The following ZMAT4 variants were observed in gnomAD, a reference collection of about 807,000 sequenced individuals.
ZMAT4 encodes zinc finger matrin-type protein 4.
ZMAT4 carries 17 observed loss-of-function variants against 28.7 expected under a neutral mutation model. The observed-to-expected ratio is 0.59, with a 90% CI of 0.41 to 0.89. ZMAT4 has a LOEUF of 0.89. ZMAT4 is among the 40% of genes least tolerant of loss of function. ZMAT4 has a pLI of 0.00. For missense variants in ZMAT4, 240 were observed against 283.8 expected (o/e 0.85, Z 1.11); for synonymous variants, 117 against 109.2 (o/e 1.07, Z -0.44).
intron 1 of ZMAT4, among the ~76,000 whole-genome samples, chr8:40,845,627 A>T (rs1816859273): frequency 6.6e-6 from 1 of 152,098 alleles, no homozygotes; most frequent in South Asian, 2.1e-4. Context: ...CAGGCAAGAT[A>T]GTCCTGACAC....
chr8:40,660,442 G>GAA lies in ZMAT4; in HGVS notation c.577+14260_577+14261dup, dbSNP rs562348965. ...CTGCTAGCTTAGAAGTTTCCTGAAGGAAAGAACCATCCCTTTTTCATTATT... is the reference window on the plus strand; with the variant it reads ...CTGCTAGCTTAGAAGTTTCCTGAAGGAAAAAGAACCATCCCTTTTTCATTATT... On this transcript the variant is annotated intron_variant, in intron 5 of 6. Transcript: ENST00000297737. 1.8e-3 allele frequency among the ~76,000 whole-genome samples: 276 copies of GAA among 152,290 alleles called. 2 individuals are homozygous for GAA. The highest frequency in any genetic ancestry group is 5.0e-3 in the African/African-American group (206 of 41,568).
At chr8:40,788,225 C>T (rs891714432) in intron 2 of ZMAT4, among the ~76,000 whole-genome samples, 18 of 152,152 alleles carry the variant, frequency 1.2e-4, no homozygotes, top group African/African-American at 4.3e-4. Context: ...ATAAATGACT[C>T]TGCCAATTAA....
intron 6 of ZMAT4, among the ~76,000 whole-genome samples, chr8:40,552,083 A>G (rs1803384920): frequency 6.6e-6 from 1 of 152,186 alleles, no homozygotes; most frequent in Admixed American, 6.5e-5. Flanking sequence ...AATGTCTGAG[A>G]TGAATTTACA....
chr8:40,709,857 T>C (rs576390068), intron 3 of ZMAT4, among the ~76,000 whole-genome samples: 1 of 152,096 alleles, frequency 6.6e-6, no homozygotes, highest in South Asian at 2.1e-4. Flanking sequence ...GCCAACATAG[T>C]GAAACTCTGT....
At chr8:40,745,945 C>T (rs2150539849) in intron 3 of ZMAT4, among the ~76,000 whole-genome samples, 1 of 152,220 alleles carries the variant, frequency 6.6e-6, no homozygotes, top group Middle Eastern at 3.4e-3. Context: ...AGCTAAGCAT[C>T]CCTTAGCTTC....
intron 6 of ZMAT4, among the ~76,000 whole-genome samples, chr8:40,578,187 A>G (rs900143806): frequency 3.9e-5 from 6 of 152,104 alleles, no homozygotes; most frequent in African/African-American, 9.7e-5. Context: ...GAAATATAAC[A>G]CTGAGACAGA....
intron 5 of ZMAT4, among the ~76,000 whole-genome samples, chr8:40,636,401 TC>T (rs1257329862): frequency 6.6e-6 from 1 of 152,208 alleles, no homozygotes; most frequent in Non-Finnish European, 1.5e-5. Context: ...TGTGCACATA[TC>T]CATCATGTTT....
At chr8:40,680,859 G>T (rs1000861886) in intron 4 of ZMAT4, among the ~76,000 whole-genome samples, 1 of 151,580 alleles carries the variant, frequency 6.6e-6, no homozygotes, top group South Asian at 2.1e-4. Flanking sequence ...TGCTTTCTAG[G>T]CTTTAGGATA....
chr8:40,654,413 G>C (rs1464991188), intron 5 of ZMAT4, among the ~76,000 whole-genome samples: 1 of 152,038 alleles, frequency 6.6e-6, no homozygotes, highest in Non-Finnish European at 1.5e-5. Context: ...GTGTGCTGCT[G>C]GTCATATCTT....
intron 2 of ZMAT4, among the ~76,000 whole-genome samples, chr8:40,796,068 C>T (rs544263685): frequency 6.6e-6 from 1 of 152,188 alleles, no homozygotes; most frequent in Non-Finnish European, 1.5e-5. Flanking sequence ...CTCCTCAGAA[C>T]AACCCAGCTC....
At chr8:40,879,337 C>A (rs1331512055) in intron 1 of ZMAT4, among the ~76,000 whole-genome samples, 1 of 152,150 alleles carries the variant, frequency 6.6e-6, no homozygotes, top group Non-Finnish European at 1.5e-5. Flanking sequence ...GCAGAGGGAG[C>A]CCTTGAACCC....
intron 6 of ZMAT4, among the ~76,000 whole-genome samples, chr8:40,558,472 T>A (rs1803620240): frequency 6.6e-6 from 1 of 151,730 alleles, no homozygotes; most frequent in Admixed American, 6.6e-5. Flanking sequence ...TTGAGGCGTG[T>A]GGAGGTGGAG....
chr8:40,788,804 A>G (rs1208000556), intron 2 of ZMAT4, among the ~76,000 whole-genome samples: 1 of 152,086 alleles, frequency 6.6e-6, no homozygotes, highest in Non-Finnish European at 1.5e-5. Flanking sequence ...ATTCATGAAC[A>G]TAGATATAAG....
intron 3 of ZMAT4, among the ~76,000 whole-genome samples, chr8:40,723,611 CTAAATTAA>C (rs1443328989): frequency 6.8e-6 from 1 of 148,024 alleles, no homozygotes; most frequent in Non-Finnish European, 1.5e-5. Context: ...GTTTAATTCT[CTAAATTAA>C]TTCTAAATTA....
At chr8:40,592,457 GC>G (rs1443282364) in intron 5 of ZMAT4, among the ~76,000 whole-genome samples, 1 of 152,172 alleles carries the variant, frequency 6.6e-6, no homozygotes, top group Non-Finnish European at 1.5e-5. Context: ...GGCATGGACT[GC>G]AGGGTACCAA....
At chr8:40,550,051 G>A (rs1803321180) in intron 6 of ZMAT4, among the ~76,000 whole-genome samples, 1 of 152,120 alleles carries the variant, frequency 6.6e-6, no homozygotes, top group Non-Finnish European at 1.5e-5. Flanking sequence ...CAGGGTGACT[G>A]TGGTAGCCCT....
chr8:40,723,347 A>C (rs1304071849), intron 3 of ZMAT4, among the ~76,000 whole-genome samples: 5 of 152,124 alleles, frequency 3.3e-5, no homozygotes, highest in African/African-American at 1.2e-4. Flanking sequence ...GTTTGACACC[A>C]GCCTGGCCTA....
rs374131300 is a variant in ZMAT4, at chr8:40,777,470, G to T, written c.103-9740C>A. ...TTCTTGAGAGAGCCCTTTTCCTGTT[G>T]CCCCGGGCCTCCCAGGCAGCCTCAG... On this transcript the variant is annotated intron_variant, in intron 2 of 6. Transcript: ENST00000297737. Among the ~76,000 whole-genome samples, 23 of 152,324 alleles carry T rather than the reference G, an allele frequency of 1.5e-4. No homozygotes were observed. The East Asian group carries it at 4.2e-3, about 28-fold the overall frequency.
At chr8:40,842,596 G>T (rs1427339520) in intron 1 of ZMAT4, among the ~76,000 whole-genome samples, 1 of 152,104 alleles carries the variant, frequency 6.6e-6, no homozygotes, top group Non-Finnish European at 1.5e-5. Flanking sequence ...TCAAGAGAAA[G>T]CAGTGATTTA....
Sources: allele counts gnomAD v4.1 joint callset (sites outside exome capture counted in the v4.1 genomes callset), GRCh38; gene constraint gnomAD v4.1.1; transcripts MANE v1.5; gene names NCBI Gene and HGNC (gene_info 2026-07-23, HGNC 2026-07-21).